Variants in AQP2 observed in about 807,000 individuals in gnomAD.
The protein encoded by AQP2 is aquaporin 2, also known as aquaporin-2.
In AQP2, 20 loss-of-function variants were observed where a neutral mutation model predicts 21.6. The observed-to-expected ratio is 0.92, with a 90% CI of 0.65 to 1.34. The LOEUF (loss-of-function observed/expected upper bound fraction) is 1.34, where lower values mean the gene tolerates loss of function less well. Among genes scored for constraint, AQP2 ranks in the 40% most tolerant of loss-of-function variants. AQP2 has a pLI of 0.00. For missense variants in AQP2, 325 were observed against 363.4 expected (o/e 0.89, Z 0.86); for synonymous variants, 168 against 166.9 (o/e 1.01, Z -0.05).
chr12:49,952,951 G>A (rs924186994), intron 1 of AQP2, among the ~76,000 whole-genome samples: 23 of 152,208 alleles, frequency 1.5e-4, no homozygotes, highest in African/African-American at 4.8e-4. Flanking sequence ...GGGAAATTCT[G>A]TGGTTCCCCC....
intron 3 of AQP2, 40 bp from the exon 4 acceptor site, chr12:49,955,359 C>CGGGTG (rs1300435614): frequency 3.1e-6 from 5 of 1,597,338 alleles, no homozygotes; most frequent in East Asian, 2.3e-5. Flanking sequence ...CGTGCCGGTG[C>CGGGTG]CGGCGCGGGT....
intron 2 of AQP2, 71 bp from the exon 3 acceptor site, chr12:49,954,559 C>A (rs1947352513): frequency 6.5e-7 from 1 of 1,547,462 alleles, no homozygotes; most frequent in Admixed American, 1.7e-5. Context: ...TCAAGCACTG[C>A]AGTGCGGGAC....
In AQP2 at chr12:49,954,506, G is replaced by A. The variant is rs796789247; in HGVS notation, c.526-124G>A. ...ACTCCAGCCCATCTGTAAATAAAAC[G>A]TGATGTTAATTGTCCATCACGTGGG... On this transcript the variant is annotated intron_variant, in intron 2 of 3. Transcript: ENST00000199280. 22 of 1,310,998 alleles carry A rather than the reference G, an allele frequency of 1.7e-5. No individual in the cohort carries two copies. In the African/African-American group the frequency reaches 2.3e-4, roughly 14 times the overall value. The allele number at this position is 1,310,998 out of a possible 1,614,324, so 81.2% of individuals were successfully genotyped here.
At chr12:49,953,349 G>A (rs1289411189) in intron 1 of AQP2, among the ~76,000 whole-genome samples, 1 of 152,192 alleles carries the variant, frequency 6.6e-6, no homozygotes, top group African/African-American at 2.4e-5. Context: ...AGGGTGTAGG[G>A]TACAGGGTGA....
rs1947392336 is a variant in AQP2, at chr12:49,958,643, G to T, written c.*3035G>T. ...GGTCCCTAAGCTGGGGACAGAGAAGGTTCTGAGCTGTCCCATACTCCCACT... is the reference window on the plus strand; with the variant it reads ...GGTCCCTAAGCTGGGGACAGAGAAGTTTCTGAGCTGTCCCATACTCCCACT... On this transcript the variant is annotated 3_prime_UTR_variant, in exon 4 of 4. Transcript: ENST00000199280. The T allele has an allele frequency of 6.6e-6, 1 of 152,262 alleles. No homozygotes were observed. The highest frequency in any genetic ancestry group is 2.4e-5 in the African/African-American group (1 of 41,462). The allele number at this position is 152,262 out of a possible 1,614,324, so 9.4% of individuals were successfully genotyped here. A position where few individuals can be genotyped will look rare whatever the true frequency, so the allele number is the denominator to read the frequency against.
chr12:49,954,267 G>A lies in AQP2; in HGVS notation c.473G>A (p.Gly158Asp). Reference protein sequence around the residue: ...STDERRGENPGTPALSIGFSV... With the variant: ...STDERRGENPDTPALSIGFSV... ...GATGAGCGCCGCGGAGAGAACCCGG[G>A]CACCCCTGCTCTCTCCATAGGCTTC... Residue 158 changes from glycine (G) to aspartate (D), a missense_variant, in exon 2 of 4, where the codon GGC becomes GAC. Physicochemically the swap from Gly to Asp is moderately conservative, Grantham distance 94. Transcript: ENST00000199280. 6.2e-7 allele frequency: 1 copy of A among 1,608,446 alleles called. No homozygotes were observed. The highest frequency in any genetic ancestry group is 8.5e-7 in the Non-Finnish European group (1 of 1,179,976).
chr12:49,955,969 G>A lies in AQP2; in HGVS notation c.*361G>A. 2 of 466,662 alleles carry A rather than the reference G, an allele frequency of 4.3e-6. No homozygotes were observed. The highest frequency in any genetic ancestry group is 7.9e-6 in the Non-Finnish European group (2 of 254,026). The allele number at this position is 466,662 out of a possible 1,614,324, so 28.9% of individuals were successfully genotyped here. Reference sequence around the variant, plus strand: ...CTGAGTGGGGAGTGTACAGACCCCTGCCTTGGGGGTTCCGGGAATGATGCA... The same window carrying A: ...CTGAGTGGGGAGTGTACAGACCCCTACCTTGGGGGTTCCGGGAATGATGCA... On this transcript the variant is annotated 3_prime_UTR_variant, in exon 4 of 4. Transcript: ENST00000199280.
chr12:49,950,783 G>T lies in AQP2; in HGVS notation c.-48G>T, dbSNP rs141361202. The T allele has an allele frequency of 5.0e-6, 8 of 1,586,796 alleles. No individual in the cohort carries two copies. The African/African-American group carries it at 1.1e-4, about 21-fold the overall frequency. On this transcript the variant is annotated 5_prime_UTR_variant, in exon 1 of 4. Transcript: ENST00000199280. ...TAGAGTGCGAGAGCGAGTGCCCGGAGCATCCTGGCCCTGAGACAGCTGGGC... is the reference window on the plus strand; with the variant it reads ...TAGAGTGCGAGAGCGAGTGCCCGGATCATCCTGGCCCTGAGACAGCTGGGC...
At chr12:49,951,336 C>A in intron 1 of AQP2, 146 bp downstream of exon 1, 1 of 1,214,362 alleles carries the variant, frequency 8.2e-7, no homozygotes, top group Non-Finnish European at 1.1e-6. Context: ...AGGAACACAG[C>A]CACCATAGGA....
At chr12:49,953,597 AG>A (rs1947344827) in intron 1 of AQP2, among the ~76,000 whole-genome samples, 2 of 152,182 alleles carry the variant, frequency 1.3e-5, no homozygotes, top group Non-Finnish European at 2.9e-5. Flanking sequence ...GGAATAGACA[AG>A]GGTTAGGGAA....
chr12:49,954,463 C>A, intron 2 of AQP2, 144 bp downstream of exon 2: 1 of 1,196,328 alleles, frequency 8.4e-7, no homozygotes, highest in South Asian at 1.3e-5. Flanking sequence ...TCCTAGATAC[C>A]CCAGAGGGAC....
At chr12:49,952,983 G>A (rs1457265375) in intron 1 of AQP2, among the ~76,000 whole-genome samples, 1 of 152,188 alleles carries the variant, frequency 6.6e-6, no homozygotes, top group Non-Finnish European at 1.5e-5. Flanking sequence ...GCAAATTGAG[G>A]CTCAACAGCA....
At position 49,951,105 on chromosome 12, in the gene AQP2, C is replaced by T. The variant is rs1172670485; in HGVS notation, c.275C>T (p.Ala92Val). The change falls in exon 1 of 4, where the codon GCC (alanine) becomes GTC (valine). Residue 92 changes from alanine (A) to valine (V), a missense_variant. Physicochemically the swap from Ala to Val is moderately conservative, Grantham distance 64. Transcript: ENST00000199280. The stretch of plus-strand genomic sequence containing the variant: ...CTCCGAGCCGCCTTCTACGTGGCTG[C>T]CCAGCTGCTGGGGGCTGTGGCCGGA... Reference protein sequence around the residue: ...SVLRAAFYVAAQLLGAVAGAA... With the variant: ...SVLRAAFYVAVQLLGAVAGAA... 6.2e-7 allele frequency: 1 copy of T among 1,608,582 alleles called. No individual in the cohort carries two copies.
chr12:49,957,864 C>T lies in AQP2; in HGVS notation c.*2256C>T, dbSNP rs1389715707. 1 of 151,746 alleles carries T rather than the reference C, an allele frequency of 6.6e-6. No individual in the cohort carries two copies. Among genetic ancestry groups the T allele is most frequent in the Non-Finnish European group, 1.5e-5 (1 of 67,872 alleles). 9.4% of individuals were successfully genotyped at this position (151,746 alleles called of 1,614,324 possible). A position where few individuals can be genotyped will look rare whatever the true frequency, so the allele number is the denominator to read the frequency against. On this transcript the variant is annotated 3_prime_UTR_variant, in exon 4 of 4. Transcript: ENST00000199280. ...GCACCTCATCCCCACCCCACCTCAC[C>T]CCAACAAACTCCTCTAGAAGAAGCC... is the stretch of plus-strand genomic sequence containing the variant.
rs771414160 is a variant in AQP2, at chr12:49,955,451, A to C, written c.659A>C (p.Asn220Thr). 8.6e-5 allele frequency: 138 copies of C among 1,612,622 alleles called. 1 individual carries two copies. In the Admixed American group the frequency reaches 2.3e-3, roughly 27 times the overall value. ...VGAILGSLLY[N>T]YVLFPPAKSL... is the part of the protein sequence containing the mutation. ...GCCATCCTGGGCTCCCTCCTCTACA[A>C]CTACGTGCTGTTTCCGCCAGCCAAG... Residue 220 changes from asparagine to threonine, a missense_variant, in exon 4 of 4, where the codon AAC becomes ACC. Asn to Thr is a moderately conservative substitution (Grantham distance 65, BLOSUM62 0). Transcript: ENST00000199280.
chr12:49,955,620 G>C lies in AQP2; in HGVS notation c.*12G>C, dbSNP rs970193864. 1 of 1,544,108 alleles carries C rather than the reference G, an allele frequency of 6.5e-7. No individual in the cohort carries two copies. The highest frequency in any genetic ancestry group is 1.2e-5 in the South Asian group (1 of 84,950). ...GTACCAAGGCCTGAGGGCCGCCAGC[G>C]GCCTCTACGGCCCCGACGGACGCTT... On this transcript the variant is annotated 3_prime_UTR_variant, in exon 4 of 4. Coordinates refer to ENST00000199280, the MANE Select transcript of AQP2 (RefSeq NM_000486.6).
intron 1 of AQP2, among the ~76,000 whole-genome samples, chr12:49,952,698 C>T (rs1947338536): frequency 6.6e-6 from 1 of 152,180 alleles, no homozygotes; most frequent in Non-Finnish European, 1.5e-5. Context: ...TGGGAGGGCT[C>T]CTCCATGCCA....
At chr12:49,955,015 G>C (rs904148237) in intron 3 of AQP2, among the ~76,000 whole-genome samples, 2 of 152,224 alleles carry the variant, frequency 1.3e-5, no homozygotes, top group Non-Finnish European at 1.5e-5. Flanking sequence ...GTAGTATTTA[G>C]CACTTATCTG....
At chr12:49,951,234 G>A (rs755494215) in intron 1 of AQP2, 44 bp downstream of exon 1, 29 of 1,570,298 alleles carry the variant, frequency 1.8e-5, no homozygotes, top group Non-Finnish European at 2.5e-5. Context: ...CAGGTCCTGG[G>A]GAATCCCTTG....
Sources: gnomAD v4.1 joint callset for allele counts (sites outside exome capture counted in the v4.1 genomes callset) on GRCh38, gnomAD v4.1.1 for gene constraint, MANE v1.5 for transcripts, NCBI Gene and HGNC (gene_info 2026-07-23, HGNC 2026-07-21) for gene names.